The following ZMAT4 variants were observed in gnomAD, a reference collection of about 807,000 sequenced individuals.
ZMAT4 encodes zinc finger matrin-type protein 4.
Under a neutral mutation model 28.7 loss-of-function variants are expected in ZMAT4, and 17 were observed. The observed-to-expected ratio is 0.59, with a 90% confidence interval of 0.41 to 0.89. The LOEUF is 0.89. ZMAT4 is among the 40% of genes least tolerant of loss of function. The pLI, the probability that ZMAT4 is intolerant of heterozygous loss-of-function variation, is 0.00. For synonymous variants in ZMAT4, 117 were observed against 109.2 expected (o/e 1.07, Z -0.44); for missense variants, 240 against 283.8 (o/e 0.85, Z 1.11).
At chr8:40,700,406 C>T (rs1205188044) in intron 3 of ZMAT4, among the ~76,000 whole-genome samples, 12 of 60,782 alleles carry the variant, frequency 2.0e-4, no homozygotes, top group South Asian at 1.4e-3. Flanking sequence ...GAAGCTGCTG[C>T]TTTTCTTTTT....
At chr8:40,885,998 A>G (rs1299781669) in intron 1 of ZMAT4, among the ~76,000 whole-genome samples, 1 of 152,190 alleles carries the variant, frequency 6.6e-6, no homozygotes, top group Non-Finnish European at 1.5e-5. Context: ...AGTTTTGTCC[A>G]TTCTGAATCC....
chr8:40,772,055 C>T (rs1421614323), intron 2 of ZMAT4, among the ~76,000 whole-genome samples: 2 of 152,186 alleles, frequency 1.3e-5, no homozygotes, highest in African/African-American at 4.8e-5. Context: ...AGGGAAAAGA[C>T]ATGAAAAAGA....
intron 2 of ZMAT4, among the ~76,000 whole-genome samples, chr8:40,783,317 T>C (rs969132009): frequency 3.9e-5 from 6 of 152,188 alleles, no homozygotes; most frequent in African/African-American, 9.7e-5. Flanking sequence ...GCACACATGA[T>C]ATGATTCTAC....
intron 5 of ZMAT4, among the ~76,000 whole-genome samples, chr8:40,613,389 G>A (rs1805878551): frequency 6.6e-6 from 1 of 151,452 alleles, no homozygotes; most frequent in Non-Finnish European, 1.5e-5. Context: ...TCACCATGTT[G>A]GTCTGGCTGT....
rs1490449725 is a variant in ZMAT4, at chr8:40,836,919, AATAG to A, written c.-4-11243_-4-11240del. On this transcript the variant is annotated intron_variant, in intron 1 of 6. Transcript: ENST00000297737. ...GTGAGATGATGATGATCGGTAGATA[AATAG>A]ATAGAAACATAGGTAGATAGAAACT... Among the ~76,000 whole-genome samples, 7 of 152,356 alleles carry A rather than the reference AATAG, an allele frequency of 4.6e-5. No individual in the cohort carries two copies. The East Asian group carries it at 7.7e-4, about 17-fold the overall frequency.
intron 2 of ZMAT4, among the ~76,000 whole-genome samples, chr8:40,768,681 C>A (rs1359982851): frequency 1.3e-5 from 2 of 150,376 alleles, no homozygotes; most frequent in African/African-American, 2.4e-5. Context: ...ATGAATACCA[C>A]AACATTTGCT....
At chr8:40,788,201 A>G (rs928091901) in intron 2 of ZMAT4, among the ~76,000 whole-genome samples, 1 of 152,220 alleles carries the variant, frequency 6.6e-6, no homozygotes, top group Non-Finnish European at 1.5e-5. Context: ...TTAAAATAAT[A>G]ATCAGGTAAT....
chr8:40,872,249 A>C (rs933866264), intron 1 of ZMAT4, among the ~76,000 whole-genome samples: 2 of 152,338 alleles, frequency 1.3e-5, no homozygotes, highest in East Asian at 3.9e-4. Flanking sequence ...CCTCTGCTCC[A>C]GGCAGAAACA....
intron 4 of ZMAT4, among the ~76,000 whole-genome samples, chr8:40,677,762 G>GT (rs1408349626): frequency 1.3e-5 from 2 of 152,076 alleles, no homozygotes; most frequent in Non-Finnish European, 2.9e-5. Flanking sequence ...TTATCTTTTG[G>GT]TTTAAAAACA....
intron 1 of ZMAT4, among the ~76,000 whole-genome samples, chr8:40,894,173 G>A (rs910660010): frequency 1.3e-5 from 2 of 152,226 alleles, no homozygotes; most frequent in Non-Finnish European, 2.9e-5. Context: ...TGCGGCTGGT[G>A]GGACTCTCCA....
intron 1 of ZMAT4, among the ~76,000 whole-genome samples, chr8:40,878,824 C>T (rs555594391): frequency 1.7e-4 from 26 of 152,340 alleles, no homozygotes; most frequent in African/African-American, 5.8e-4. Flanking sequence ...ATCGTCTCTG[C>T]TGAGTGTTTT....
intron 5 of ZMAT4, among the ~76,000 whole-genome samples, chr8:40,649,181 A>G (rs951736957): frequency 6.6e-6 from 1 of 152,096 alleles, no homozygotes; most frequent in African/African-American, 2.4e-5. Context: ...AGGAAACCCA[A>G]CTCACGTGCA....
intron 5 of ZMAT4, among the ~76,000 whole-genome samples, chr8:40,636,504 C>T (rs1463750936): frequency 6.6e-6 from 1 of 152,162 alleles, no homozygotes; most frequent in Non-Finnish European, 1.5e-5. Flanking sequence ...GCTTCAAATG[C>T]CTCCACATTT....
chr8:40,616,803 G>C (rs1295304433), intron 5 of ZMAT4, among the ~76,000 whole-genome samples: 2 of 151,634 alleles, frequency 1.3e-5, no homozygotes, highest in Non-Finnish European at 2.9e-5. Context: ...GAGTTAATGG[G>C]TGCAGCACAC....
rs1331019206 is a variant in ZMAT4 at position 40,532,165 on chromosome 8, A to G, written c.*58T>C. 4 of 1,507,318 alleles carry G rather than the reference A, an allele frequency of 2.7e-6. No individual in the cohort carries two copies. Among genetic ancestry groups the G allele is most frequent in the East Asian group, 4.9e-5 (2 of 41,228 alleles). 93.4% of individuals were successfully genotyped at this position (1,507,318 alleles called of 1,614,324 possible). A position where few individuals can be genotyped will look rare whatever the true frequency, so the allele number is the denominator to read the frequency against. ...AGCCTCCTCTGGTGGTTGATAAGCA[A>G]TTCTCCACGGCAGAGAAATGCTAAT... On this transcript the variant is annotated 3_prime_UTR_variant, in exon 7 of 7. Coordinates refer to ENST00000297737, the MANE Select transcript of ZMAT4 (RefSeq NM_024645.3).
chr8:40,644,232 T>C (rs1807193655), intron 5 of ZMAT4, among the ~76,000 whole-genome samples: 1 of 152,148 alleles, frequency 6.6e-6, no homozygotes, highest in African/African-American at 2.4e-5. Flanking sequence ...TCATTTAACC[T>C]AAGCAAGCAA....
intron 2 of ZMAT4, among the ~76,000 whole-genome samples, chr8:40,811,591 T>C (rs544860150): frequency 2.8e-4 from 42 of 152,214 alleles, no homozygotes; most frequent in Non-Finnish European, 5.1e-4. Flanking sequence ...TTAGGGAATC[T>C]GTTAAGATGT....
At chr8:40,668,363 CA>C (rs1808522411) in intron 5 of ZMAT4, among the ~76,000 whole-genome samples, 1 of 150,256 alleles carries the variant, frequency 6.7e-6, no homozygotes, top group African/African-American at 2.4e-5. Flanking sequence ...CCAGCTACTC[CA>C]GAGGCTGAGG....
chr8:40,674,537 C>A, intron 5 of ZMAT4, 167 bp downstream of exon 5: 3 of 584,082 alleles, frequency 5.1e-6, no homozygotes, highest in Non-Finnish European at 9.1e-6. Context: ...AAAAATTAAA[C>A]TAAAGCAAGC....
Sources: gnomAD v4.1 joint callset for allele counts (sites outside exome capture counted in the v4.1 genomes callset) on GRCh38, gnomAD v4.1.1 for gene constraint, MANE v1.5 for transcripts, NCBI Gene and HGNC (gene_info 2026-07-23, HGNC 2026-07-21) for gene names.